The following CD2AP variants were observed in gnomAD, a reference collection of about 807,000 sequenced individuals.
CD2AP encodes the protein CD2 associated protein, also known as CD2-associated protein.
CD2AP carries 46 observed loss-of-function variants against 85.1 expected under a neutral mutation model. That is an observed-to-expected ratio of 0.54 (90% CI 0.43 to 0.69). The LOEUF (loss-of-function observed/expected upper bound fraction) is 0.69. CD2AP is among the 30% of genes least tolerant of loss of function. CD2AP has a pLI of 0.00. For missense variants in CD2AP, 769 were observed against 729.5 expected, an observed-to-expected ratio of 1.05 and a Z score of -0.62; for synonymous variants, 255 against 252.9, an observed-to-expected ratio of 1.01 and a Z score of -0.08.
intron 3 of CD2AP, among the ~76,000 whole-genome samples, chr6:47,540,293 G>A (rs1767177844): frequency 6.6e-6 from 1 of 151,562 alleles, no homozygotes; most frequent in African/African-American, 2.4e-5. Flanking sequence ...GCTTAGCATG[G>A]GTTCTGATAC....
chr6:47,573,488 T>G (rs977593266), intron 5 of CD2AP, among the ~76,000 whole-genome samples: 31 of 142,424 alleles, frequency 2.2e-4, no homozygotes, highest in Non-Finnish European at 1.5e-5. Flanking sequence ...CTGTGTGTTT[T>G]TTTTTTTTTT....
intron 1 of CD2AP, among the ~76,000 whole-genome samples, chr6:47,492,665 T>A (rs1215499761): frequency 6.6e-6 from 1 of 152,146 alleles, no homozygotes. Context: ...TTTTCCTTAT[T>A]GTTTTAATAA....
intron 11 of CD2AP, among the ~76,000 whole-genome samples, chr6:47,584,322 ATCT>A (rs1441658738): frequency 6.6e-6 from 1 of 151,962 alleles, no homozygotes; most frequent in Non-Finnish European, 1.5e-5. Flanking sequence ...CTCCTGTGTA[ATCT>A]TCTAGGAATT....
chr6:47,499,441 T>C (rs1362164177), intron 1 of CD2AP, among the ~76,000 whole-genome samples: 2 of 152,202 alleles, frequency 1.3e-5, no homozygotes, highest in Non-Finnish European at 2.9e-5. Context: ...CAAATCAGTA[T>C]CACAGGATTG....
intron 8 of CD2AP, among the ~76,000 whole-genome samples, chr6:47,577,627 C>T (rs1768348343): frequency 6.6e-6 from 1 of 152,108 alleles, no homozygotes; most frequent in Admixed American, 6.5e-5. Flanking sequence ...AAAGAGAAAA[C>T]CCAGTACTAC....
At chr6:47,480,900 G>A (rs576303880) in intron 1 of CD2AP, among the ~76,000 whole-genome samples, 6 of 152,300 alleles carry the variant, frequency 3.9e-5, no homozygotes, top group African/African-American at 7.2e-5. Context: ...TGTACTGTGC[G>A]AAAGTCCATT....
chr6:47,540,165 GCCCTGTCTCAAA>G (rs1767169881), intron 3 of CD2AP, among the ~76,000 whole-genome samples: 2 of 139,662 alleles, frequency 1.4e-5, no homozygotes, highest in African/African-American at 5.4e-5. Context: ...ACAGAGTGAG[GCCCTGTCTCAAA>G]AAAAAAAAAA....
chr6:47,512,940 A>G (rs4711880), intron 2 of CD2AP, among the ~76,000 whole-genome samples: 34,489 of 152,198 alleles, frequency 0.23, 4,076 homozygotes, highest in Non-Finnish European at 0.27. Context: ...TTCAACATGG[A>G]TACATAATGT....
At chr6:47,482,317 A>C (rs1244650610) in intron 1 of CD2AP, among the ~76,000 whole-genome samples, 1 of 151,964 alleles carries the variant, frequency 6.6e-6, no homozygotes, top group Non-Finnish European at 1.5e-5. Context: ...CTGAAAATTC[A>C]CATTTATAAT....
chr6:47,614,400 G>A (rs1013796557), intron 17 of CD2AP, among the ~76,000 whole-genome samples: 4 of 152,130 alleles, frequency 2.6e-5, no homozygotes, highest in African/African-American at 4.8e-5. Flanking sequence ...ATTATTAGGC[G>A]TGTTCTATCT....
At chr6:47,609,513 CAAAAA>C (rs10580796) in intron 16 of CD2AP, 373 of 141,610 alleles carry the variant, frequency 2.6e-3, no homozygotes, top group South Asian at 5.2e-3. Flanking sequence ...CCCATCTTTG[CAAAAA>C]AAAAAAAAAA....
chr6:47,550,527 TA>T (rs149899488), intron 4 of CD2AP, among the ~76,000 whole-genome samples: 9 of 148,030 alleles, frequency 6.1e-5, no homozygotes, highest in Admixed American at 1.4e-4. Flanking sequence ...GAATGACCAT[TA>T]AAAAAAAAAT....
intron 1 of CD2AP, among the ~76,000 whole-genome samples, chr6:47,487,330 T>C (rs1390855876): frequency 6.6e-6 from 1 of 152,204 alleles, no homozygotes; most frequent in Non-Finnish European, 1.5e-5. Flanking sequence ...TCTAAATTCC[T>C]ATATGGATTA....
chr6:47,573,655 A>AT (rs1768218020), intron 5 of CD2AP, among the ~76,000 whole-genome samples: 2 of 151,572 alleles, frequency 1.3e-5, no homozygotes, highest in African/African-American at 2.4e-5. Flanking sequence ...TGCCCGGCTA[A>AT]TTTTTTTATA....
chr6:47,552,706 A>C (rs921011379), intron 4 of CD2AP, among the ~76,000 whole-genome samples: 2 of 152,062 alleles, frequency 1.3e-5, no homozygotes, highest in Non-Finnish European at 2.9e-5. Context: ...TAGGTAATAG[A>C]CAGCTGATGT....
At chr6:47,574,363 A>G in intron 6 of CD2AP, 112 bp downstream of exon 6, 17 of 1,003,984 alleles carry the variant, frequency 1.7e-5, no homozygotes, top group Non-Finnish European at 2.6e-5. Flanking sequence ...CAGATCACTA[A>G]TAATTTGGTT....
At chr6:47,612,158 T>C (rs1769461352) in intron 16 of CD2AP, among the ~76,000 whole-genome samples, 1 of 152,122 alleles carries the variant, frequency 6.6e-6, no homozygotes, top group South Asian at 2.1e-4. Context: ...CTTTCAGTTT[T>C]CCAACCTGGA....
At chr6:47,539,255 C>G (rs920996980) in intron 3 of CD2AP, among the ~76,000 whole-genome samples, 1 of 151,964 alleles carries the variant, frequency 6.6e-6, no homozygotes, top group African/African-American at 2.4e-5. Context: ...ACTGTAAACT[C>G]AGAACTGTAT....
chr6:47,570,038 C>T (rs986073879), intron 5 of CD2AP, among the ~76,000 whole-genome samples: 27 of 152,182 alleles, frequency 1.8e-4, no homozygotes, highest in African/African-American at 6.5e-4. Flanking sequence ...GCACCCACAC[C>T]TGCATGATCG....
Sources: allele counts gnomAD v4.1 joint callset (sites outside exome capture counted in the v4.1 genomes callset), GRCh38; gene constraint gnomAD v4.1.1; transcripts MANE v1.5; gene names NCBI Gene and HGNC (gene_info 2026-07-23, HGNC 2026-07-21).